DPY19L2: variants seen among roughly 807,000 people sequenced by gnomAD.
The protein encoded by DPY19L2 is probable C-mannosyltransferase DPY19L2.
DPY19L2 carries 34 observed loss-of-function variants against 97.9 expected under a neutral mutation model. The observed-to-expected ratio is 0.35, with a 90% CI of 0.26 to 0.46. DPY19L2 has a LOEUF of 0.46. Among genes scored for constraint, DPY19L2 ranks in the 20% least tolerant of loss-of-function variants. The probability of loss-of-function intolerance (pLI) is 1.00; values close to 1 mark genes in which losing one functional copy is unlikely to be tolerated. For synonymous variants in DPY19L2, 230 were observed against 307.9 expected (o/e 0.75, Z 2.65); for missense variants, 623 against 911.4 (o/e 0.68, Z 4.07).
At chr12:63,594,682 C>T (rs1483178964) in intron 15 of DPY19L2, among the ~76,000 whole-genome samples, 1 of 151,580 alleles carries the variant, frequency 6.6e-6, no homozygotes, top group Non-Finnish European at 1.5e-5. Flanking sequence ...ATGCACATGC[C>T]CCTGCTAGTG....
intron 17 of DPY19L2, among the ~76,000 whole-genome samples, chr12:63,583,106 G>T (rs1262139411): frequency 4.6e-5 from 7 of 152,160 alleles, no homozygotes. Context: ...TAACTACACT[G>T]TAAATATTCC....
At chr12:63,649,121 T>C (rs553042174) in intron 4 of DPY19L2, among the ~76,000 whole-genome samples, 132 of 152,222 alleles carry the variant, frequency 8.7e-4, no homozygotes, top group South Asian at 4.6e-3. Flanking sequence ...CAAGAAATTC[T>C]TTGAAACTAA....
chr12:63,570,691 T>C, intron 20 of DPY19L2, 67 bp downstream of exon 20: 1 of 1,335,300 alleles, frequency 7.5e-7, no homozygotes, highest in Middle Eastern at 1.9e-4. Context: ...GTGTGTAAAA[T>C]TTTCCCAATT....
intron 15 of DPY19L2, among the ~76,000 whole-genome samples, chr12:63,595,603 T>A (rs1041979042): frequency 6.6e-6 from 1 of 152,140 alleles, no homozygotes; most frequent in Non-Finnish European, 1.5e-5. Context: ...CCTATAAAAA[T>A]TTTAATTCTT....
At chr12:63,614,411 T>C (rs926507300) in intron 11 of DPY19L2, among the ~76,000 whole-genome samples, 2 of 151,926 alleles carry the variant, frequency 1.3e-5, no homozygotes, top group Admixed American at 1.3e-4. Context: ...TTTCTTCACA[T>C]AAAAACATGA....
chr12:63,571,727 T>G (rs1262533198), intron 19 of DPY19L2, among the ~76,000 whole-genome samples: 1 of 152,166 alleles, frequency 6.6e-6, no homozygotes, highest in Non-Finnish European at 1.5e-5. Flanking sequence ...TAGTACTTTT[T>G]GGAGTAATAA....
intron 6 of DPY19L2, among the ~76,000 whole-genome samples, chr12:63,642,003 T>C (rs1892767839): frequency 6.6e-6 from 1 of 152,170 alleles, no homozygotes; most frequent in Non-Finnish European, 1.5e-5. Context: ...TCTTTATGAC[T>C]AATGATGGTG....
chr12:63,615,547 G>A (rs1163877596), intron 11 of DPY19L2, among the ~76,000 whole-genome samples: 2 of 152,110 alleles, frequency 1.3e-5, no homozygotes, highest in Non-Finnish European at 2.9e-5. Flanking sequence ...TACACCACAG[G>A]AACTCAAAAA....
chr12:63,600,040 T>C (rs1884877014), intron 13 of DPY19L2, among the ~76,000 whole-genome samples: 1 of 152,168 alleles, frequency 6.6e-6, no homozygotes, highest in Non-Finnish European at 1.5e-5. Flanking sequence ...TTAACTGAAA[T>C]ATAAACAAAT....
intron 6 of DPY19L2, 137 bp from the exon 7 acceptor site, chr12:63,626,663 A>G: frequency 1.7e-6 from 2 of 1,143,478 alleles, no homozygotes; most frequent in Non-Finnish European, 2.4e-6. Flanking sequence ...AACCATACCC[A>G]TGTGGTTGAA....
chr12:63,639,013 T>C (rs7486147), intron 6 of DPY19L2, among the ~76,000 whole-genome samples: 105,410 of 151,904 alleles, frequency 0.69, 37,149 homozygotes, highest in African/African-American at 0.81. Context: ...GAGATATAGA[T>C]CAATGGAACA....
intron 16 of DPY19L2, among the ~76,000 whole-genome samples, chr12:63,593,340 C>T (rs1482570084): frequency 2.0e-5 from 3 of 152,098 alleles, no homozygotes; most frequent in Non-Finnish European, 2.9e-5. Context: ...CACTTGCACA[C>T]GTATGTTTAT....
At position 63,591,940 on chromosome 12, in the gene DPY19L2, T is replaced by TGAAAAGAAAAGAAAA. The variant is rs371807048; in HGVS notation, c.1580+2132_1580+2146dup. On this transcript the variant is annotated intron_variant, in intron 16 of 21. Coordinates refer to ENST00000324472, the MANE Select transcript of DPY19L2 (RefSeq NM_173812.5). The stretch of plus-strand genomic sequence containing the variant: ...GCCTGGCTGACAGAGCAAGACTCTG[T>TGAAAAGAAAAGAAAA]GAAAAGAAAAGAAAAGAAAAGAAAA... 2.4e-3 allele frequency among the ~76,000 whole-genome samples: 147 copies of TGAAAAGAAAAGAAAA among 62,130 alleles called. 2 individuals are homozygous for TGAAAAGAAAAGAAAA. The highest frequency in any genetic ancestry group is 0.012 in the African/African-American group (135 of 11,304). 40.8% of individuals were successfully genotyped at this position (62,130 alleles called of 152,430 possible).
At chr12:63,576,226 T>C (rs978168377) in intron 19 of DPY19L2, among the ~76,000 whole-genome samples, 1 of 151,958 alleles carries the variant, frequency 6.6e-6, no homozygotes, top group Non-Finnish European at 1.5e-5. Context: ...GGGAAAATCA[T>C]TTGGTAAAAT....
intron 6 of DPY19L2, among the ~76,000 whole-genome samples, chr12:63,635,681 G>A (rs550529014): frequency 3.3e-5 from 5 of 152,114 alleles, no homozygotes; most frequent in African/African-American, 1.2e-4. Context: ...GGAAGAAAGG[G>A]TATCAGTGAT....
intron 21 of DPY19L2, among the ~76,000 whole-genome samples, chr12:63,564,856 AT>A (rs71086684): frequency 4.0e-5 from 6 of 151,800 alleles, no homozygotes; most frequent in Non-Finnish European, 4.4e-5. Context: ...AGATTTGTCT[AT>A]TTTTCCTAAA....
chr12:63,643,215 T>C (rs1486756672), intron 6 of DPY19L2, among the ~76,000 whole-genome samples: 1 of 151,866 alleles, frequency 6.6e-6, no homozygotes, highest in Non-Finnish European at 1.5e-5. Context: ...CACTTATTTC[T>C]TTTTTTTCAA....
intron 4 of DPY19L2, among the ~76,000 whole-genome samples, chr12:63,653,296 C>G (rs532459697): frequency 8.5e-5 from 13 of 152,176 alleles, no homozygotes; most frequent in African/African-American, 3.1e-4. Context: ...CCCGGTGGTT[C>G]ATGCCTGTAA....
intron 11 of DPY19L2, among the ~76,000 whole-genome samples, chr12:63,615,970 A>G (rs1887756423): frequency 6.6e-6 from 1 of 152,170 alleles, no homozygotes; most frequent in African/African-American, 2.4e-5. Flanking sequence ...AGTACAAATG[A>G]AAAAACAATA....
Sources: gnomAD v4.1 joint callset for allele counts (sites outside exome capture counted in the v4.1 genomes callset) on GRCh38, gnomAD v4.1.1 for gene constraint, MANE v1.5 for transcripts, NCBI Gene and HGNC (gene_info 2026-07-23, HGNC 2026-07-21) for gene names.